Variants in SLC30A5 observed in about 807,000 individuals in gnomAD.
The protein encoded by SLC30A5 is solute carrier family 30 member 5.
A neutral mutation model predicts 79.6 loss-of-function variants in SLC30A5; 33 were observed. The observed-to-expected ratio is 0.41, with a 90% CI of 0.31 to 0.55. The LOEUF (loss-of-function observed/expected upper bound fraction) is 0.55. SLC30A5 is among the 20% of genes least tolerant of loss of function. SLC30A5 has a pLI of 0.20. For synonymous variants in SLC30A5, 299 were observed against 319.7 expected (o/e 0.94, Z 0.69); for missense variants, 788 against 928.1 (o/e 0.85, Z 1.96).
chr5:69,104,859 A>T, intron 4 of SLC30A5, 143 bp downstream of exon 4: 1 of 685,732 alleles, frequency 1.5e-6, no homozygotes, highest in Non-Finnish European at 2.3e-6. Context: ...TTCAACAGAT[A>T]GAACAAACCT....
chr5:69,128,102 T>C lies in SLC30A5; in HGVS notation c.2097T>C (p.Ser699=). The C allele has an allele frequency of 6.2e-7, 1 of 1,612,214 alleles. No individual in the cohort carries two copies. The highest frequency in any genetic ancestry group is 8.5e-7 in the Non-Finnish European group (1 of 1,179,012). Residue 699 remains serine (S), a synonymous_variant, in exon 15 of 16, where the codon TCT becomes TCC. Coordinates refer to ENST00000396591, the MANE Select transcript of SLC30A5 (RefSeq NM_022902.5). ...GAACAATTCATATACAGGTGACATC[T>C]GATGTGCTAGAACAAAGAATAGTAC... ...VAGTIHIQVT[S]DVLEQRIVQQ... is the part of the protein sequence containing the mutation.
intron 4 of SLC30A5, 67 bp downstream of exon 4, chr5:69,104,783 ACTGTGTTT>A: frequency 1.2e-5 from 18 of 1,476,094 alleles, no homozygotes; most frequent in Non-Finnish European, 1.7e-5. Flanking sequence ...TTTTTGTTCC[ACTGTGTTT>A]TACGTCAAAT....
intron 1 of SLC30A5, among the ~76,000 whole-genome samples, chr5:69,095,942 G>A (rs943291210): frequency 4.6e-5 from 7 of 151,324 alleles, no homozygotes; most frequent in Admixed American, 1.3e-4. Flanking sequence ...CGTGGTATGC[G>A]CCTGTAATCC....
At chr5:69,105,511 C>A (rs1746056859) in intron 4 of SLC30A5, among the ~76,000 whole-genome samples, 1 of 152,040 alleles carries the variant, frequency 6.6e-6, no homozygotes, top group Non-Finnish European at 1.5e-5. Context: ...TTGGAGACCA[C>A]CCTAGCCAAC....
intron 12 of SLC30A5, among the ~76,000 whole-genome samples, chr5:69,119,249 C>A (rs1477331085): frequency 6.6e-6 from 1 of 151,172 alleles, no homozygotes; most frequent in Non-Finnish European, 1.5e-5. Context: ...TTCTTTTTTT[C>A]TTTTTTTTCA....
intron 5 of SLC30A5, among the ~76,000 whole-genome samples, chr5:69,109,431 G>A (rs184784109): frequency 2.1e-3 from 325 of 151,224 alleles, no homozygotes; most frequent in African/African-American, 7.0e-3. Context: ...ACATACGATC[G>A]TGTGTGTGTG....
At chr5:69,098,938 CAATT>C (rs1450529477) in intron 1 of SLC30A5, among the ~76,000 whole-genome samples, 1 of 152,140 alleles carries the variant, frequency 6.6e-6, no homozygotes, top group African/African-American at 2.4e-5. Context: ...AAAATACCCA[CAATT>C]AAAGGACTTG....
chr5:69,102,073 T>TTG (rs1491246527), intron 2 of SLC30A5, among the ~76,000 whole-genome samples: 21 of 122,112 alleles, frequency 1.7e-4, no homozygotes, highest in African/African-American at 6.1e-4. Flanking sequence ...TTTTTTTTTT[T>TTG]GAGACAGTCT....
chr5:69,117,131 A>G (rs1561295339), intron 10 of SLC30A5, 108 bp from the exon 11 acceptor site: 5 of 835,460 alleles, frequency 6.0e-6, no homozygotes, highest in Middle Eastern at 2.7e-4. Context: ...AAATAACTAA[A>G]CAATTATAGC....
At chr5:69,122,658 A>C (rs1239559997) in intron 13 of SLC30A5, among the ~76,000 whole-genome samples, 2 of 152,212 alleles carry the variant, frequency 1.3e-5, no homozygotes, top group Non-Finnish European at 2.9e-5. Context: ...TATCCAAAAC[A>C]AAAAGAAAAT....
At chr5:69,102,380 T>C (rs2111941561) in intron 2 of SLC30A5, among the ~76,000 whole-genome samples, 1 of 152,164 alleles carries the variant, frequency 6.6e-6, no homozygotes, top group East Asian at 1.9e-4. Context: ...TATATAACTA[T>C]TTTGGCAATG....
At chr5:69,108,019 C>T (rs955722129) in intron 4 of SLC30A5, among the ~76,000 whole-genome samples, 1 of 152,194 alleles carries the variant, frequency 6.6e-6, no homozygotes, top group African/African-American at 2.4e-5. Flanking sequence ...TGTGAGCCAC[C>T]ATACCCAGCC....
intron 13 of SLC30A5, among the ~76,000 whole-genome samples, chr5:69,122,299 A>G (rs924280118): frequency 1.3e-5 from 2 of 152,184 alleles, no homozygotes; most frequent in African/African-American, 4.8e-5. Flanking sequence ...CAGGAGGCCG[A>G]GGCAGAAGAA....
chr5:69,120,373 A>C (rs191838113), intron 12 of SLC30A5, among the ~76,000 whole-genome samples: 38 of 147,346 alleles, frequency 2.6e-4, no homozygotes, highest in African/African-American at 9.5e-4. Flanking sequence ...GACAGAGCAA[A>C]ACTCTGTCTC....
At chr5:69,095,467 C>T (rs1745700157) in intron 1 of SLC30A5, among the ~76,000 whole-genome samples, 2 of 152,020 alleles carry the variant, frequency 1.3e-5, no homozygotes, top group East Asian at 1.9e-4. Context: ...TCCAAAGTGC[C>T]GGGATTACAG....
chr5:69,112,590 G>A (rs150009849), intron 5 of SLC30A5, among the ~76,000 whole-genome samples: 2 of 150,664 alleles, frequency 1.3e-5, no homozygotes, highest in African/African-American at 2.4e-5. Context: ...CAGCCTGGGC[G>A]ACAGCGAGAT....
chr5:69,097,758 C>T (rs1054614162), intron 1 of SLC30A5, among the ~76,000 whole-genome samples: 4 of 152,026 alleles, frequency 2.6e-5, no homozygotes, highest in Admixed American at 6.6e-5. Flanking sequence ...AGGTTGATCT[C>T]GAACTTCTGG....
chr5:69,118,831 G>T lies in SLC30A5; in HGVS notation c.1569+203G>T, dbSNP rs527675426. On this transcript the variant is annotated intron_variant, in intron 12 of 15. Transcript: ENST00000396591. ...TTTTTTTTTTTTTTTTTGAGACAGA[G>T]TCTCTGTTTTCCAGGCTGGAGTGCA... Among the ~76,000 whole-genome samples the T allele has an allele frequency of 2.5e-5, 3 of 121,892 alleles. No individual in the cohort carries two copies. The Admixed American group carries it at 2.9e-4, about 12-fold the overall frequency. 80.0% of individuals were successfully genotyped at this position (121,892 alleles called of 152,430 possible).
Position 69,097,194 on chromosome 5 carries a change from C to G in SLC30A5, c.83+2856C>G, listed in dbSNP as rs1745768682. Among the ~76,000 whole-genome samples the G allele has an allele frequency of 4.2e-5, 6 of 142,912 alleles. 1 individual carries two copies. Among genetic ancestry groups the G allele is most frequent in the Non-Finnish European group, 1.5e-5 (1 of 67,026 alleles). 93.8% of individuals were successfully genotyped at this position (142,912 alleles called of 152,430 possible). On this transcript the variant is annotated intron_variant, in intron 1 of 15. Transcript: ENST00000396591. ...GCAGTGGCGCGATCTCGGCTCACTG[C>G]AAGCTCCGCCTCCCGGATTCGCACC...
Sources: gnomAD v4.1 joint callset for allele counts (sites outside exome capture counted in the v4.1 genomes callset) on GRCh38, gnomAD v4.1.1 for gene constraint, MANE v1.5 for transcripts, NCBI Gene and HGNC (gene_info 2026-07-23, HGNC 2026-07-21) for gene names.